Variants in MAST4 observed in about 807,000 individuals in gnomAD.
The protein encoded by MAST4 is microtubule-associated serine/threonine-protein kinase 4.
MAST4 carries 89 observed loss-of-function variants against 162.7 expected under a neutral mutation model. That is an observed-to-expected ratio of 0.55 (90% CI 0.46 to 0.65). The LOEUF is 0.65. MAST4 is among the 30% of genes least tolerant of loss of function. MAST4 has a pLI of 0.00. For missense variants in MAST4, 3,153 were observed against 3,374.0 expected (o/e 0.93, Z 1.62); for synonymous variants, 1,479 against 1,361.1 (o/e 1.09, Z -1.91).
Position 67,166,280 on chromosome 5 carries a change from A to G in MAST4, c.7101A>G (p.Arg2367=), listed in dbSNP as rs1316446144. The change falls in exon 29 of 29, where the codon AGA becomes AGG. Residue 2367 remains arginine (R), a synonymous_variant. Transcript: ENST00000403625. ...SPSQPAANTD[R]RAEGKKCTEA... ...GTCAGCCGGCCGCCAACACCGACAG[A>G]AGGGCGGAAGGGAAGAAATGCACTG... 6.4e-7 allele frequency: 1 copy of G among 1,558,134 alleles called. No individual in the cohort carries two copies. The highest frequency in any genetic ancestry group is 8.7e-7 in the Non-Finnish European group (1 of 1,150,594).
intron 2 of MAST4, among the ~76,000 whole-genome samples, chr5:66,776,590 G>A (rs1281698011): frequency 2.6e-5 from 4 of 152,100 alleles, no homozygotes; most frequent in Non-Finnish European, 5.9e-5. Context: ...ACAAACACTT[G>A]AGCCAAACTT....
intron 1 of MAST4, among the ~76,000 whole-genome samples, chr5:66,602,807 T>G (rs1742641996): frequency 6.6e-6 from 1 of 152,236 alleles, no homozygotes; most frequent in Non-Finnish European, 1.5e-5. Flanking sequence ...TAGCAGCCAG[T>G]GTTTCCCTGC....
chr5:66,776,591 A>AGT (rs1754612475), intron 2 of MAST4, among the ~76,000 whole-genome samples: 1 of 152,192 alleles, frequency 6.6e-6, no homozygotes, highest in Non-Finnish European at 1.5e-5. Flanking sequence ...CAAACACTTG[A>AGT]GCCAAACTTA....
intron 4 of MAST4, among the ~76,000 whole-genome samples, chr5:66,963,078 G>A (rs1236299755): frequency 6.6e-6 from 1 of 151,934 alleles, no homozygotes; most frequent in African/African-American, 2.4e-5. Context: ...GGGGGGTCAG[G>A]GATTATAATG....
chr5:66,895,601 T>A (rs759498739), intron 3 of MAST4, among the ~76,000 whole-genome samples: 7 of 152,168 alleles, frequency 4.6e-5, no homozygotes, highest in African/African-American at 7.2e-5. Context: ...ACATCCAGTT[T>A]CTGTGTAAAT....
rs1290591032 is a variant in MAST4 at position 67,110,050 on chromosome 5, T to G, written c.1357-48T>G. On this transcript the variant is annotated intron_variant, in intron 10 of 28. Transcript: ENST00000403625. ...ATGCTTTGCTGATTTTCTTTTCCAT[T>G]TAATGGAACAACTCTGCATCATCAC... 2.2e-6 allele frequency: 3 copies of G among 1,374,008 alleles called. No individual in the cohort carries two copies. In the Admixed American group the frequency reaches 5.1e-5, roughly 23 times the overall value. 85.1% of individuals were successfully genotyped at this position (1,374,008 alleles called of 1,614,324 possible).
chr5:66,900,609 A>G (rs566162907), intron 4 of MAST4, among the ~76,000 whole-genome samples: 1 of 152,230 alleles, frequency 6.6e-6, no homozygotes, highest in South Asian at 2.1e-4. Flanking sequence ...ACTACCCTCA[A>G]TTAAGGTCGA....
At chr5:67,049,006 C>T (rs1455554610) in intron 4 of MAST4, among the ~76,000 whole-genome samples, 1 of 120,728 alleles carries the variant, frequency 8.3e-6, no homozygotes, top group Admixed American at 8.4e-5. Flanking sequence ...TATATACACA[C>T]ACATATATAT....
Position 66,982,387 on chromosome 5 carries a change from G to A in MAST4, c.675-72017G>A, listed in dbSNP as rs183537757. Among the ~76,000 whole-genome samples the A allele has an allele frequency of 7.2e-5, 11 of 152,168 alleles. No homozygotes were observed. In the East Asian group the frequency reaches 9.7e-4, roughly 13 times the overall value. On this transcript the variant is annotated intron_variant, in intron 4 of 28. Coordinates refer to ENST00000403625, the MANE Select transcript of MAST4 (RefSeq NM_001164664.2). The stretch of plus-strand genomic sequence containing the variant: ...GAGGGTCACTTAGAGATGTAATATC[G>A]AGTGATCTGAATGTGTCTGGACACC...
chr5:66,886,638 A>C (rs1762056742), intron 3 of MAST4, among the ~76,000 whole-genome samples: 2 of 150,424 alleles, frequency 1.3e-5, no homozygotes, highest in African/African-American at 2.5e-5. Context: ...CTGTGTAAAA[A>C]CACATACTTC....
intron 4 of MAST4, among the ~76,000 whole-genome samples, chr5:67,010,100 C>T (rs1752499533): frequency 6.6e-6 from 1 of 152,082 alleles, no homozygotes; most frequent in African/African-American, 2.4e-5. Flanking sequence ...CTCAGTTATT[C>T]ACATTTATTG....
intron 4 of MAST4, among the ~76,000 whole-genome samples, chr5:67,014,673 C>G (rs1270573253): frequency 2.0e-5 from 3 of 152,190 alleles, no homozygotes; most frequent in African/African-American, 7.2e-5. Context: ...TAGTGACTTT[C>G]TTAACATTGG....
chr5:66,741,658 C>T (rs566149458), intron 1 of MAST4, among the ~76,000 whole-genome samples: 13 of 152,092 alleles, frequency 8.5e-5, no homozygotes, highest in Non-Finnish European at 1.3e-4. Flanking sequence ...GGAACGGGAC[C>T]TCTCAACAGT....
intron 4 of MAST4, among the ~76,000 whole-genome samples, chr5:66,953,839 G>A (rs1744982000): frequency 6.6e-6 from 1 of 152,152 alleles, no homozygotes; most frequent in South Asian, 2.1e-4. Flanking sequence ...TGTGCTATAG[G>A]ATGTTCAGCG....
At chr5:67,031,016 GT>G (rs1192149410) in intron 4 of MAST4, among the ~76,000 whole-genome samples, 1 of 152,068 alleles carries the variant, frequency 6.6e-6, no homozygotes, top group Admixed American at 6.6e-5. Flanking sequence ...TAACTGTCCT[GT>G]AAAAAGTAAA....
At chr5:67,060,362 G>A (rs78821064) in intron 5 of MAST4, among the ~76,000 whole-genome samples, 3,004 of 152,190 alleles carry the variant, frequency 0.02, 113 homozygotes, top group African/African-American at 0.069. Context: ...GCAATAAGGT[G>A]GAGATAGGGA....
Position 67,078,654 on chromosome 5 carries a change from ATATT to A in MAST4, c.764-11502_764-11499del, listed in dbSNP as rs543160257. Among the ~76,000 whole-genome samples, 1,072 of 129,336 alleles carry A rather than the reference ATATT, an allele frequency of 8.3e-3. 19 individuals carry two copies. Among genetic ancestry groups the A allele is most frequent in the African/African-American group, 0.033 (992 of 30,246 alleles). 84.8% of individuals were successfully genotyped at this position (129,336 alleles called of 152,430 possible). ...TATATTTATATTTATATCTTTATAT[ATATT>A]TATTTTATATTTATATTATATTTAT... On this transcript the variant is annotated intron_variant, in intron 5 of 28. Transcript: ENST00000403625.
chr5:67,082,358 C>T (rs1762763780), intron 5 of MAST4, among the ~76,000 whole-genome samples: 2 of 152,134 alleles, frequency 1.3e-5, no homozygotes, highest in South Asian at 2.1e-4. Context: ...TGGTCTCCAT[C>T]TCTTGACCTC....
intron 3 of MAST4, among the ~76,000 whole-genome samples, chr5:66,844,543 G>A (rs528971844): frequency 2.6e-5 from 4 of 152,018 alleles, no homozygotes; most frequent in African/African-American, 9.7e-5. Flanking sequence ...TCACCCAACG[G>A]ATATTTGTTG....
Sources: allele counts gnomAD v4.1 joint callset (sites outside exome capture counted in the v4.1 genomes callset), GRCh38; gene constraint gnomAD v4.1.1; transcripts MANE v1.5; gene names NCBI Gene and HGNC (gene_info 2026-07-23, HGNC 2026-07-21).